The following PLCE1 variants were observed in gnomAD, a reference collection of about 807,000 sequenced individuals.
The protein encoded by PLCE1 is 1-phosphatidylinositol 4,5-bisphosphate phosphodiesterase epsilon-1.
PLCE1 carries 119 observed loss-of-function variants against 242.8 expected under a neutral mutation model. The observed-to-expected ratio is 0.49, with a 90% CI of 0.42 to 0.57. PLCE1 has a LOEUF of 0.57. Among genes scored for constraint, PLCE1 ranks in the 20% least tolerant of loss-of-function variants. The probability of loss-of-function intolerance (pLI) is 0.00; values close to 1 mark genes in which losing one functional copy is unlikely to be tolerated. For missense variants in PLCE1, 2,441 were observed against 2,788.8 expected (o/e 0.88, Z 2.81); for synonymous variants, 945 against 1,017.4 (o/e 0.93, Z 1.35).
In PLCE1 at chr10:94,032,013, A is replaced by G. The variant is rs1394931862; in HGVS notation, c.967A>G (p.Thr323Ala). 1 of 1,613,848 alleles carries G rather than the reference A, an allele frequency of 6.2e-7. No homozygotes were observed. The part of the protein sequence containing the change: ...DAFKSKKERS[T>A]LLVRRFCKND... Reference sequence around the variant, plus strand: ...TTTTAAAAGCAAAAAGGAGCGATCCACTTTGTTAGTCAGGAGATTCTGTAA... The same window carrying G: ...TTTTAAAAGCAAAAAGGAGCGATCCGCTTTGTTAGTCAGGAGATTCTGTAA... Residue 323 changes from threonine (T) to alanine (A), a missense_variant, in exon 2 of 33, where the codon ACT (threonine) becomes GCT (alanine). Coordinates refer to ENST00000371380, the MANE Select transcript of PLCE1 (RefSeq NM_016341.4).
chr10:94,279,694 T>C, intron 19 of PLCE1, 88 bp from the exon 20 acceptor site: 3 of 1,429,870 alleles, frequency 2.1e-6, no homozygotes, highest in South Asian at 2.3e-5. Context: ...CTTTTAACGA[T>C]TGTGTTAAAC....
At chr10:94,305,977 CT>C (rs111843654) in intron 25 of PLCE1, among the ~76,000 whole-genome samples, 5,322 of 144,924 alleles carry the variant, frequency 0.037, 269 homozygotes, top group African/African-American at 0.11. Context: ...CAATCACTTA[CT>C]TTTTTTTTTT....
intron 23 of PLCE1, among the ~76,000 whole-genome samples, chr10:94,294,579 A>G (rs1352361732): frequency 6.6e-6 from 1 of 152,240 alleles, no homozygotes; most frequent in Admixed American, 6.5e-5. Flanking sequence ...TATAAAAGTT[A>G]TGTCTACACT....
At chr10:94,157,108 A>T (rs2047457423) in intron 3 of PLCE1, among the ~76,000 whole-genome samples, 1 of 151,968 alleles carries the variant, frequency 6.6e-6, no homozygotes, top group Non-Finnish European at 1.5e-5. Context: ...ATCACTTGGG[A>T]TCTTAAAAAA....
chr10:94,201,857 G>T, intron 4 of PLCE1, among the ~76,000 whole-genome samples: 1 of 152,132 alleles, frequency 6.6e-6, no homozygotes, highest in East Asian at 1.9e-4. Flanking sequence ...TTTTTTAATT[G>T]CTGTTCATTG....
chr10:94,046,332 C>A (rs911041135), intron 2 of PLCE1, among the ~76,000 whole-genome samples: 3 of 152,154 alleles, frequency 2.0e-5, no homozygotes, highest in Admixed American at 2.0e-4. Flanking sequence ...TTGTGAGAAG[C>A]AGAGCCAAAT....
At chr10:94,164,932 A>C (rs2047742805) in intron 3 of PLCE1, among the ~76,000 whole-genome samples, 1 of 152,208 alleles carries the variant, frequency 6.6e-6, no homozygotes, top group Non-Finnish European at 1.5e-5. Context: ...TATCAGCACC[A>C]GAGGCTGCAG....
At chr10:94,320,425 T>G (rs1437357381) in intron 29 of PLCE1, among the ~76,000 whole-genome samples, 1 of 152,260 alleles carries the variant, frequency 6.6e-6, no homozygotes, top group African/African-American at 2.4e-5. Flanking sequence ...TGGGGCAAGC[T>G]TCAGAAGCCA....
intron 24 of PLCE1, among the ~76,000 whole-genome samples, chr10:94,299,330 T>A (rs1369141368): frequency 6.6e-6 from 1 of 152,200 alleles, no homozygotes; most frequent in Non-Finnish European, 1.5e-5. Context: ...TTATTTAATA[T>A]TCACAACAGC....
rs555303277 is a variant in PLCE1, at chr10:94,326,499, C to T, written c.*24+1395C>T. Among the ~76,000 whole-genome samples, 30 of 152,328 alleles carry T rather than the reference C, an allele frequency of 2.0e-4. 1 individual carries two copies. In the South Asian group the frequency reaches 5.8e-3, roughly 29 times the overall value. On this transcript the variant is annotated intron_variant, in intron 32 of 32. Transcript: ENST00000371380. ...AATCATAGGTGTGATGTTATACACA[C>T]CTCTATAACTTCTGTAATGAGGTGA...
chr10:94,217,808 T>G (rs1007271716), intron 4 of PLCE1, among the ~76,000 whole-genome samples: 3 of 152,188 alleles, frequency 2.0e-5, no homozygotes, highest in Non-Finnish European at 4.4e-5. Context: ...TTGCAAACTG[T>G]GGGCAAGCCA....
Position 94,031,005 on chromosome 10 carries a change from G to A in PLCE1, c.-42G>A. On this transcript the variant is annotated 5_prime_UTR_variant, in exon 2 of 33. Transcript: ENST00000371380. The stretch of plus-strand genomic sequence containing the variant: ...AAAACCTTGACATGATCACCAGGGA[G>A]GAAAAATAGAGCAATAGTCAAAACC... 1.2e-6 allele frequency: 2 copies of A among 1,607,844 alleles called. No homozygotes were observed. Among genetic ancestry groups the A allele is most frequent in the South Asian group, 1.1e-5 (1 of 90,900 alleles).
At chr10:94,002,137 G>A (rs2060943305) in intron 1 of PLCE1, among the ~76,000 whole-genome samples, 1 of 151,866 alleles carries the variant, frequency 6.6e-6, no homozygotes, top group Non-Finnish European at 1.5e-5. Context: ...ATTATTATTT[G>A]AATCTAAGAG....
At chr10:94,321,640 A>AC (rs1190378666) in intron 29 of PLCE1, among the ~76,000 whole-genome samples, 3 of 152,062 alleles carry the variant, frequency 2.0e-5, no homozygotes, top group African/African-American at 7.2e-5. Flanking sequence ...AAAAAAAAAA[A>AC]AAAAAACCCA....
intron 2 of PLCE1, among the ~76,000 whole-genome samples, chr10:94,073,172 C>T (rs1256590540): frequency 6.6e-6 from 1 of 152,012 alleles, no homozygotes; most frequent in Non-Finnish European, 1.5e-5. Flanking sequence ...ACCCACCAAC[C>T]CCAGGCAGTT....
rs572744064 is a variant in PLCE1, at chr10:94,310,353, T to C, written c.6003+1654T>C. Among the ~76,000 whole-genome samples, 47 of 152,282 alleles carry C rather than the reference T, an allele frequency of 3.1e-4. No homozygotes were observed. The Middle Eastern group carries it at 0.017, about 55-fold the overall frequency. ...TAGGTGTTCCTCCTTTTTCCCTTCA[T>C]CACTCCACAGCAACCTTCACTGTAC... On this transcript the variant is annotated intron_variant, in intron 27 of 32. Coordinates refer to ENST00000371380, the MANE Select transcript of PLCE1 (RefSeq NM_016341.4).
At chr10:94,137,958 C>T (rs1564723781) in intron 3 of PLCE1, 1 of 393,968 alleles carries the variant, frequency 2.5e-6, no homozygotes, top group Non-Finnish European at 5.0e-6. Flanking sequence ...TACATTAAAT[C>T]CTTGCACTCC....
At chr10:94,086,885 C>T (rs909862627) in intron 2 of PLCE1, among the ~76,000 whole-genome samples, 5 of 152,162 alleles carry the variant, frequency 3.3e-5, no homozygotes, top group African/African-American at 1.2e-4. Context: ...GATAATAATA[C>T]TTGCCTTACT....
chr10:94,243,478 G>A (rs539642539), intron 7 of PLCE1, among the ~76,000 whole-genome samples: 9 of 152,344 alleles, frequency 5.9e-5, no homozygotes, highest in South Asian at 2.1e-4. Flanking sequence ...TAGTGATAAT[G>A]TGTTAGGATT....
Sources: allele counts gnomAD v4.1 joint callset (sites outside exome capture counted in the v4.1 genomes callset), GRCh38; gene constraint gnomAD v4.1.1; transcripts MANE v1.5; gene names NCBI Gene and HGNC (gene_info 2026-07-23, HGNC 2026-07-21).